Variants in FRMD5 observed in about 807,000 individuals in gnomAD.
The protein encoded by FRMD5 is FERM domain-containing protein 5.
Under a neutral mutation model 69.0 loss-of-function variants are expected in FRMD5, and 20 were observed. That is an observed-to-expected ratio of 0.29 (90% CI 0.20 to 0.42). The LOEUF (loss-of-function observed/expected upper bound fraction) is 0.42. Ranked by LOEUF, FRMD5 falls within the 10% of genes least tolerant of loss-of-function variation. FRMD5 has a pLI of 1.00. For synonymous variants in FRMD5, 271 were observed against 260.1 expected, an observed-to-expected ratio of 1.04 and a Z score of -0.40; for missense variants, 595 against 708.6, an observed-to-expected ratio of 0.84 and a Z score of 1.82.
At chr15:44,142,101 G>C (rs2077282655) in intron 1 of FRMD5, among the ~76,000 whole-genome samples, 1 of 152,030 alleles carries the variant, frequency 6.6e-6, no homozygotes, top group Non-Finnish European at 1.5e-5. Context: ...TTCTATAGAA[G>C]GCTTCATCCA....
chr15:44,079,838 A>T (rs1893924716), intron 1 of FRMD5, among the ~76,000 whole-genome samples: 1 of 152,144 alleles, frequency 6.6e-6, no homozygotes, highest in Admixed American at 6.6e-5. Context: ...ATGCTACAAG[A>T]TGGATGGACC....
rs138055175 is a variant in FRMD5, at chr15:44,108,579, A to G, written c.102+86374T>C. 7.2e-3 allele frequency among the ~76,000 whole-genome samples: 1,099 copies of G among 152,276 alleles called. 14 individuals are homozygous for G. Among genetic ancestry groups the G allele is most frequent in the African/African-American group, 0.025 (1,056 of 41,552 alleles). ...AGAATTGCTTAAACTCTGGAGGCAG[A>G]GTTTGTAGTGAGCCGAGATCACGCC... On this transcript the variant is annotated intron_variant, in intron 1 of 13. Coordinates refer to ENST00000417257, the MANE Select transcript of FRMD5 (RefSeq NM_032892.5).
intron 7 of FRMD5, among the ~76,000 whole-genome samples, chr15:43,897,427 C>CCTCAGCCTCCCA (rs2088937833): frequency 7.5e-6 from 1 of 133,698 alleles, no homozygotes; most frequent in Non-Finnish European, 1.5e-5. Context: ...GCAGAGGTTG[C>CCTCAGCCTCCCA]AGTGAGCTGA....
intron 1 of FRMD5, among the ~76,000 whole-genome samples, chr15:43,935,637 G>A (rs1254946475): frequency 6.6e-6 from 1 of 152,126 alleles, no homozygotes; most frequent in Non-Finnish European, 1.5e-5. Flanking sequence ...AAACAGAGGA[G>A]GCAAGTTTTC....
At chr15:44,107,554 A>T (rs79710892) in intron 1 of FRMD5, among the ~76,000 whole-genome samples, 2,108 of 152,236 alleles carry the variant, frequency 0.014, 43 homozygotes, top group African/African-American at 0.043. Context: ...ATTTGTAGTT[A>T]TCAGCCGAAA....
intron 1 of FRMD5, among the ~76,000 whole-genome samples, chr15:44,173,666 A>G (rs899146440): frequency 1.3e-5 from 2 of 151,986 alleles, no homozygotes; most frequent in Non-Finnish European, 2.9e-5. Flanking sequence ...ATGTGCCATC[A>G]TGCCTGGCTA....
intron 1 of FRMD5, among the ~76,000 whole-genome samples, chr15:44,104,546 T>C (rs1212754453): frequency 6.6e-6 from 1 of 152,226 alleles, no homozygotes; most frequent in Non-Finnish European, 1.5e-5. Flanking sequence ...CCATTTTTAA[T>C]GTTTCATACG....
chr15:44,173,779 G>A (rs1034008765), intron 1 of FRMD5, among the ~76,000 whole-genome samples: 2 of 152,164 alleles, frequency 1.3e-5, no homozygotes, highest in African/African-American at 4.8e-5. Context: ...TTCCCAAAGT[G>A]CTGGGATTAC....
intron 7 of FRMD5, among the ~76,000 whole-genome samples, chr15:43,898,104 A>G (rs1309074675): frequency 4.6e-5 from 7 of 152,242 alleles, no homozygotes; most frequent in Non-Finnish European, 1.0e-4. Flanking sequence ...GATGATATCA[A>G]TAATCTTGTA....
At chr15:43,897,487 CAAAAA>C (rs34243475) in intron 7 of FRMD5, among the ~76,000 whole-genome samples, 25 of 16,144 alleles carry the variant, frequency 1.5e-3, no homozygotes, top group Admixed American at 3.0e-3. Context: ...CACTCCATCT[CAAAAA>C]AAAAAAAAAA....
chr15:43,988,487 C>T (rs572641221), intron 1 of FRMD5, among the ~76,000 whole-genome samples: 2 of 151,754 alleles, frequency 1.3e-5, no homozygotes, highest in African/African-American at 4.9e-5. Context: ...ATAAGGCATG[C>T]ACTTTTATTC....
intron 7 of FRMD5, among the ~76,000 whole-genome samples, chr15:43,893,754 T>C (rs1404697575): frequency 6.6e-6 from 1 of 152,118 alleles, no homozygotes; most frequent in Non-Finnish European, 1.5e-5. Context: ...CTGGCCTCTC[T>C]GCTTTCAGGG....
intron 1 of FRMD5, among the ~76,000 whole-genome samples, chr15:44,135,691 G>A (rs2077171692): frequency 6.6e-6 from 1 of 151,878 alleles, no homozygotes; most frequent in African/African-American, 2.4e-5. Flanking sequence ...CAGGCGTGGT[G>A]GTGCACACCT....
rs11397296 is a variant in FRMD5 at position 43,996,715 on chromosome 15, ATTTTTTTT to A, written c.103-72414_103-72407del. 4.5e-4 allele frequency among the ~76,000 whole-genome samples: 39 copies of A among 86,028 alleles called. 1 individual carries two copies. Among genetic ancestry groups the A allele is most frequent in the African/African-American group, 1.9e-3 (37 of 19,896 alleles). 56.4% of individuals were successfully genotyped at this position (86,028 alleles called of 152,430 possible). ...TTTTTTTTTTTAAGCTCCTCAGCTG[ATTTTTTTT>A]TTTTTTTTTTTTTGTATACCAGTTT... On this transcript the variant is annotated intron_variant, in intron 1 of 13. Coordinates refer to ENST00000417257, the MANE Select transcript of FRMD5 (RefSeq NM_032892.5).
intron 13 of FRMD5, chr15:43,876,135 G>A: frequency 1.3e-6 from 2 of 1,561,472 alleles, no homozygotes; most frequent in South Asian, 1.1e-5. Flanking sequence ...GACCTTTACT[G>A]CATTGCCACC....
chr15:43,938,550 C>G (rs1370048243), intron 1 of FRMD5, among the ~76,000 whole-genome samples: 1 of 152,176 alleles, frequency 6.6e-6, no homozygotes, highest in Non-Finnish European at 1.5e-5. Flanking sequence ...AGTCCTCTGA[C>G]TATATTTATA....
chr15:44,156,359 G>C (rs2077528090), intron 1 of FRMD5, among the ~76,000 whole-genome samples: 1 of 152,094 alleles, frequency 6.6e-6, no homozygotes, highest in African/African-American at 2.4e-5. Context: ...GGCCAGGCTG[G>C]CCTCAAACTC....
intron 1 of FRMD5, among the ~76,000 whole-genome samples, chr15:44,081,864 C>T (rs1454953508): frequency 2.6e-5 from 4 of 151,922 alleles, no homozygotes. Flanking sequence ...AGCTGTGCCA[C>T]AATCTGGTCC....
At chr15:44,094,020 T>C (rs1403691648) in intron 1 of FRMD5, among the ~76,000 whole-genome samples, 1 of 152,164 alleles carries the variant, frequency 6.6e-6, no homozygotes, top group Non-Finnish European at 1.5e-5. Context: ...TACCTCCACA[T>C]TGCATTCCAT....
Sources: gnomAD v4.1 joint callset for allele counts (sites outside exome capture counted in the v4.1 genomes callset) on GRCh38, gnomAD v4.1.1 for gene constraint, MANE v1.5 for transcripts, NCBI Gene and HGNC (gene_info 2026-07-23, HGNC 2026-07-21) for gene names.